Variants in PRDM5 observed in about 807,000 individuals in gnomAD.
PRDM5 encodes PR domain zinc finger protein 5.
PRDM5 carries 56 observed loss-of-function variants against 81.2 expected under a neutral mutation model. The ratio of observed to expected loss-of-function variants is 0.69; its 90% CI spans 0.56 to 0.86. The LOEUF (loss-of-function observed/expected upper bound fraction) is 0.86. Among genes scored for constraint, PRDM5 ranks in the 40% least tolerant of loss-of-function variants. The pLI is 0.00. For synonymous variants in PRDM5, 267 were observed against 256.4 expected (o/e 1.04, Z -0.39); for missense variants, 697 against 770.1 (o/e 0.91, Z 1.12).
At chr4:120,695,360 G>T (rs1352307625) in intron 15 of PRDM5, 85 bp from the exon 16 acceptor site, 15 of 1,438,462 alleles carry the variant, frequency 1.0e-5, no homozygotes, top group Non-Finnish European at 1.4e-5. Context: ...TATTGGCAAA[G>T]AAAATTAATA....
chr4:120,783,900 C>A (rs1276901133), intron 11 of PRDM5, among the ~76,000 whole-genome samples: 1 of 151,998 alleles, frequency 6.6e-6, no homozygotes, highest in Non-Finnish European at 1.5e-5. Context: ...AAACACTTGA[C>A]CAGAGGAAAA....
intron 3 of PRDM5, among the ~76,000 whole-genome samples, chr4:120,829,257 G>T (rs1756409757): frequency 6.6e-6 from 1 of 152,006 alleles, no homozygotes; most frequent in Admixed American, 6.6e-5. Flanking sequence ...TGTGGTAATG[G>T]TTAGGACCAA....
At chr4:120,849,805 C>T (rs1344712501) in intron 3 of PRDM5, among the ~76,000 whole-genome samples, 2 of 151,994 alleles carry the variant, frequency 1.3e-5, no homozygotes, top group Non-Finnish European at 2.9e-5. Flanking sequence ...ACAAAATTAG[C>T]ATTTAATAAG....
At chr4:120,853,562 A>C (rs768952382) in intron 2 of PRDM5, 22 bp from the exon 3 acceptor site, 1 of 1,613,458 alleles carries the variant, frequency 6.2e-7, no homozygotes, top group Admixed American at 1.7e-5. Flanking sequence ...AAGGCTCCTG[A>C]GTTTACAATG....
At chr4:120,837,751 A>G (rs1757526268) in intron 3 of PRDM5, 1 of 152,224 alleles carries the variant, frequency 6.6e-6, no homozygotes, top group Non-Finnish European at 1.5e-5. Context: ...TTTACATTCT[A>G]CTGCTTGGAG....
intron 2 of PRDM5, among the ~76,000 whole-genome samples, chr4:120,863,172 A>AT: frequency 1.4e-5 from 1 of 73,624 alleles, no homozygotes; most frequent in South Asian, 6.3e-4. Context: ...AAAAAAAAAA[A>AT]AAAATATATA....
intron 14 of PRDM5, among the ~76,000 whole-genome samples, chr4:120,736,487 A>G (rs1741150165): frequency 6.6e-6 from 1 of 152,146 alleles, no homozygotes; most frequent in South Asian, 2.1e-4. Context: ...GAAAATGCCA[A>G]CACTCTGAGA....
intron 11 of PRDM5, among the ~76,000 whole-genome samples, chr4:120,781,773 C>G (rs1749072349): frequency 6.6e-6 from 1 of 152,144 alleles, no homozygotes; most frequent in South Asian, 2.1e-4. Flanking sequence ...GGAGGAAAGC[C>G]TCTGAGGGCA....
chr4:120,896,043 T>C (rs545871796), intron 2 of PRDM5: 1 of 152,190 alleles, frequency 6.6e-6, no homozygotes, highest in South Asian at 2.1e-4. Flanking sequence ...AAAAACAAAT[T>C]ATGGCTTCAA....
intron 1 of PRDM5, among the ~76,000 whole-genome samples, chr4:120,911,851 G>A (rs924120284): frequency 6.6e-6 from 1 of 152,150 alleles, no homozygotes; most frequent in Admixed American, 6.5e-5. Flanking sequence ...TACTGTCAGT[G>A]AGAGAAAATG....
chr4:120,777,682 A>G (rs1748390208), intron 12 of PRDM5, among the ~76,000 whole-genome samples: 1 of 152,164 alleles, frequency 6.6e-6, no homozygotes, highest in South Asian at 2.1e-4. Context: ...ACTCTTGAGG[A>G]CAGAATTAAT....
At chr4:120,738,654 T>C (rs1406784142) in intron 14 of PRDM5, among the ~76,000 whole-genome samples, 1 of 152,204 alleles carries the variant, frequency 6.6e-6, no homozygotes, top group Non-Finnish European at 1.5e-5. Context: ...CAACTCCCAT[T>C]GGTAAATGGT....
At chr4:120,831,843 G>A (rs530470133) in intron 3 of PRDM5, among the ~76,000 whole-genome samples, 1 of 152,224 alleles carries the variant, frequency 6.6e-6, no homozygotes, top group Admixed American at 6.5e-5. Context: ...AAAATAAAAT[G>A]TTTGAAGTAT....
intron 14 of PRDM5, among the ~76,000 whole-genome samples, chr4:120,712,426 CAG>C (rs1737141793): frequency 6.6e-6 from 1 of 151,926 alleles, no homozygotes; most frequent in African/African-American, 2.4e-5. Flanking sequence ...TGTAAATAAC[CAG>C]AGAGACATAC....
intron 4 of PRDM5, among the ~76,000 whole-genome samples, chr4:120,820,778 C>G (rs1755155033): frequency 6.6e-6 from 1 of 152,218 alleles, no homozygotes; most frequent in African/African-American, 2.4e-5. Context: ...TTCCTATATG[C>G]AGATGAGAAA....
At chr4:120,878,414 CA>C (rs1333014759) in intron 2 of PRDM5, among the ~76,000 whole-genome samples, 1 of 152,006 alleles carries the variant, frequency 6.6e-6, no homozygotes, top group African/African-American at 2.4e-5. Context: ...ATTAACTTTT[CA>C]AAATGAATCA....
chr4:120,784,866 CT>C (rs1749539788), intron 11 of PRDM5, 131 bp downstream of exon 11: 2 of 611,838 alleles, frequency 3.3e-6, no homozygotes, highest in Non-Finnish European at 5.3e-6. Context: ...AATTTTCGGT[CT>C]TTCTTATGTT....
intron 2 of PRDM5, among the ~76,000 whole-genome samples, chr4:120,872,333 G>A (rs1389890339): frequency 6.6e-6 from 1 of 151,988 alleles, no homozygotes; most frequent in Non-Finnish European, 1.5e-5. Context: ...TAAACAACAT[G>A]TGGTATATAC....
chr4:120,760,748 C>CTT (rs1327491496), intron 13 of PRDM5, among the ~76,000 whole-genome samples: 110 of 144,250 alleles, frequency 7.6e-4, no homozygotes, highest in African/African-American at 2.7e-3. Flanking sequence ...ATTAAATAGA[C>CTT]TTTTTTTTTT....
Sources: allele counts gnomAD v4.1 joint callset (sites outside exome capture counted in the v4.1 genomes callset), GRCh38; gene constraint gnomAD v4.1.1; transcripts MANE v1.5; gene names NCBI Gene and HGNC (gene_info 2026-07-23, HGNC 2026-07-21).